The following ZC3HAV1 variants were observed in gnomAD, a reference collection of about 807,000 sequenced individuals.
ZC3HAV1 encodes zinc finger CCCH-type antiviral protein 1.
ZC3HAV1 carries 41 observed loss-of-function variants against 86.6 expected under a neutral mutation model. The observed-to-expected ratio is 0.47, with a 90% CI of 0.37 to 0.61. The LOEUF (loss-of-function observed/expected upper bound fraction) is 0.61, where lower values mean the gene tolerates loss of function less well. Among genes scored for constraint, ZC3HAV1 ranks in the 20% least tolerant of loss-of-function variants. The pLI is 0.00. For synonymous variants in ZC3HAV1, 421 were observed against 432.1 expected (o/e 0.97, Z 0.32); for missense variants, 964 against 1,141.1 (o/e 0.84, Z 2.24).
In ZC3HAV1 at chr7:139,054,028, T is replaced by C. The variant is rs1470537131; in HGVS notation, c.2255A>G (p.Lys752Arg). The change falls in exon 11 of 13, where the codon AAA (lysine) becomes AGA (arginine). Residue 752 changes from lysine to arginine, a missense_variant. Transcript: ENST00000242351. ...RVSEHFKASM[K>R]NFKIEKIKKI... is the part of the protein sequence containing the mutation. ...CTTTATCTTTTCAATCTTGAAATTT[T>C]TCATGGAAGCTTTAAAATGCTCACT... The C allele has an allele frequency of 6.2e-7, 1 of 1,608,554 alleles. No homozygotes were observed.
intron 8 of ZC3HAV1, among the ~76,000 whole-genome samples, chr7:139,063,497 G>A (rs1420653665): frequency 6.6e-6 from 1 of 151,970 alleles, no homozygotes; most frequent in Non-Finnish European, 1.5e-5. Context: ...TGAGGTGGGA[G>A]GATCGCTTGA....
chr7:139,086,986 C>T (rs935859732), intron 2 of ZC3HAV1, among the ~76,000 whole-genome samples: 1 of 152,196 alleles, frequency 6.6e-6, no homozygotes, highest in Non-Finnish European at 1.5e-5. Context: ...TGGACTAATA[C>T]AGGAAGACTG....
chr7:139,079,699 A>G lies in ZC3HAV1; in HGVS notation c.1242T>C (p.Asn414=), dbSNP rs1323940980. ...GGATGTCCTGAGTTCCACTTTTGCC[A>G]TTGATGATCCTGTAGTCTGAGGAAA... is the stretch of plus-strand genomic sequence containing the variant. ...GLLSSDYRII[N]GKSGTQDIQP... The change falls in exon 4 of 13, where the codon AAT becomes AAC. Residue 414 remains asparagine, a synonymous_variant. Coordinates refer to ENST00000242351, the MANE Select transcript of ZC3HAV1 (RefSeq NM_020119.4). 3 of 1,614,068 alleles carry G rather than the reference A, an allele frequency of 1.9e-6. No homozygotes were observed. The highest frequency in any genetic ancestry group is 1.3e-5 in the African/African-American group (1 of 74,916).
chr7:139,100,377 A>C (rs1396371121), intron 1 of ZC3HAV1, among the ~76,000 whole-genome samples: 1 of 148,002 alleles, frequency 6.8e-6, no homozygotes, highest in Non-Finnish European at 1.5e-5. Context: ...CCAAAATACA[A>C]AAAAAAAAAA....
intron 1 of ZC3HAV1, among the ~76,000 whole-genome samples, chr7:139,090,570 T>C (rs913853996): frequency 2.6e-5 from 4 of 152,214 alleles, no homozygotes; most frequent in African/African-American, 9.6e-5. Context: ...TATTCTGTTT[T>C]TTCCTATCGT....
intron 7 of ZC3HAV1, among the ~76,000 whole-genome samples, chr7:139,072,815 T>C (rs898161768): frequency 6.6e-6 from 1 of 152,304 alleles, no homozygotes; most frequent in Non-Finnish European, 1.5e-5. Context: ...CCTGGTCTAA[T>C]TAACCATGCC....
chr7:139,090,052 T>C (rs1206479050), intron 1 of ZC3HAV1, among the ~76,000 whole-genome samples: 1 of 152,124 alleles, frequency 6.6e-6, no homozygotes, highest in East Asian at 1.9e-4. Flanking sequence ...CCCGAGTAGC[T>C]GGAAACACAG....
At position 139,080,093 on chromosome 7, in the gene ZC3HAV1, G is replaced by A; in HGVS notation, c.848C>T (p.Ala283Val). ...TPSPDQISHR[A>V]SLEDAPVDDL... is the part of the protein sequence containing the mutation. ...GTCCACAGGCGCGTCCTCCAGGGAA[G>A]CCCTGTGGCTGATCTGATCTGGACT... is the stretch of plus-strand genomic sequence containing the variant. The change falls in exon 4 of 13, where the codon GCT (alanine) becomes GTT (valine). Residue 283 changes from alanine to valine, a missense_variant. Physicochemically the swap from Ala to Val is moderately conservative, Grantham distance 64 (BLOSUM62 0). Transcript: ENST00000242351. 1 of 1,614,176 alleles carries A rather than the reference G, an allele frequency of 6.2e-7. No individual in the cohort carries two copies. The highest frequency in any genetic ancestry group is 2.2e-5 in the East Asian group (1 of 44,874).
At chr7:139,082,458 CA>C (rs950376425) in intron 3 of ZC3HAV1, among the ~76,000 whole-genome samples, 1 of 151,908 alleles carries the variant, frequency 6.6e-6, no homozygotes, top group African/African-American at 2.4e-5. Flanking sequence ...AAAAATTAAA[CA>C]TAGAATTACC....
Position 139,109,268 on chromosome 7 carries a change from C to T in ZC3HAV1, c.64G>A (p.Ala22Thr), listed in dbSNP as rs776706516. 1.9e-6 allele frequency: 3 copies of T among 1,611,620 alleles called. No homozygotes were observed. The highest frequency in any genetic ancestry group is 1.8e-4 in the Middle Eastern group (1 of 5,500). Residue 22 changes from alanine to threonine, a missense_variant, in exon 1 of 13, where the codon GCC (alanine) becomes ACC (threonine). Ala to Thr is a moderately conservative substitution (Grantham distance 58). Coordinates refer to ENST00000242351, the MANE Select transcript of ZC3HAV1 (RefSeq NM_020119.4). ...KILCAHGGRMALDALLQEIAL... is the reference protein window; with the variant it reads ...KILCAHGGRMTLDALLQEIAL... Reference sequence around the variant, plus strand: ...ATCTCCTGGAGCAGCGCGTCCAGGGCCATGCGGCCCCCGTGGGCGCACAGG... The same window carrying T: ...ATCTCCTGGAGCAGCGCGTCCAGGGTCATGCGGCCCCCGTGGGCGCACAGG...
chr7:139,055,363 C>T, intron 9 of ZC3HAV1, 68 bp from the exon 10 acceptor site: 4 of 1,365,890 alleles, frequency 2.9e-6, no homozygotes, highest in Non-Finnish European at 4.1e-6. Context: ...TTTCTCTTAA[C>T]TTCCAGCCAC....
intron 8 of ZC3HAV1, among the ~76,000 whole-genome samples, chr7:139,061,764 G>A (rs559261440): frequency 2.6e-5 from 4 of 152,318 alleles, no homozygotes; most frequent in South Asian, 2.1e-4. Context: ...AGATGTGCAC[G>A]TGAATGCTCA....
chr7:139,105,023 ACT>A (rs985294104), intron 1 of ZC3HAV1, among the ~76,000 whole-genome samples: 10 of 131,484 alleles, frequency 7.6e-5, no homozygotes, highest in African/African-American at 3.0e-4. Flanking sequence ...ACAGAGTGAG[ACT>A]CTGTCTCAAA....
intron 1 of ZC3HAV1, among the ~76,000 whole-genome samples, chr7:139,104,492 T>C (rs1286702559): frequency 6.7e-6 from 1 of 150,292 alleles, no homozygotes; most frequent in Non-Finnish European, 1.5e-5. Context: ...GGTGGGCGGA[T>C]TGCCTGAGCT....
At chr7:139,101,001 C>G (rs1817742085) in intron 1 of ZC3HAV1, among the ~76,000 whole-genome samples, 1 of 152,240 alleles carries the variant, frequency 6.6e-6, no homozygotes, top group Admixed American at 6.5e-5. Flanking sequence ...TGCCGCCACG[C>G]CTGACTGGTT....
At chr7:139,071,401 C>T (rs923566699) in intron 7 of ZC3HAV1, among the ~76,000 whole-genome samples, 2 of 152,178 alleles carry the variant, frequency 1.3e-5, no homozygotes, top group Admixed American at 6.5e-5. Context: ...CACGCCCGGC[C>T]TCCTGGAACC....
chr7:139,091,965 T>C (rs544302161), intron 1 of ZC3HAV1, among the ~76,000 whole-genome samples: 2 of 152,264 alleles, frequency 1.3e-5, no homozygotes, highest in Admixed American at 1.3e-4. Flanking sequence ...CGCTCAAAGT[T>C]CTCCCCGCCC....
At chr7:139,107,300 C>T (rs1235657232) in intron 1 of ZC3HAV1, among the ~76,000 whole-genome samples, 2 of 152,170 alleles carry the variant, frequency 1.3e-5, no homozygotes, top group African/African-American at 2.4e-5. Context: ...TGCCCCACAA[C>T]ATATTAAAGA....
At position 139,055,257 on chromosome 7, in the gene ZC3HAV1, G is replaced by T. The variant is rs754247898; in HGVS notation, c.2135C>A (p.Ala712Glu). The stretch of plus-strand genomic sequence containing the variant: ...AAAGTCCTCCTGAGGACGAAAGGTC[G>T]CAGTTAAAGACACTGACGAGGTCTT... ...PAKTSSVSLT[A>E]TFRPQEDFCF... Residue 712 changes from alanine to glutamate, a missense_variant, in exon 10 of 13, where the codon GCG becomes GAG. Ala to Glu is a moderately radical substitution (Grantham distance 107). Coordinates refer to ENST00000242351, the MANE Select transcript of ZC3HAV1 (RefSeq NM_020119.4). 2 of 1,613,294 alleles carry T rather than the reference G, an allele frequency of 1.2e-6. No homozygotes were observed. Among genetic ancestry groups the T allele is most frequent in the Non-Finnish European group, 1.7e-6 (2 of 1,179,516 alleles).
Sources: gnomAD v4.1 joint callset for allele counts (sites outside exome capture counted in the v4.1 genomes callset) on GRCh38, gnomAD v4.1.1 for gene constraint, MANE v1.5 for transcripts, NCBI Gene and HGNC (gene_info 2026-07-23, HGNC 2026-07-21) for gene names.